The following FOXR1 variants were observed in gnomAD, a reference collection of about 807,000 sequenced individuals.
The protein encoded by FOXR1 is forkhead box protein R1.
Under a neutral mutation model 34.5 loss-of-function variants are expected in FOXR1, and 25 were observed. The observed-to-expected ratio is 0.72, with a 90% CI of 0.53 to 1.01. The LOEUF (loss-of-function observed/expected upper bound fraction) is 1.01. Among genes scored for constraint, FOXR1 ranks in the 50% least tolerant of loss-of-function variants. The pLI, the probability that FOXR1 is intolerant of heterozygous loss-of-function variation, is 0.00. For missense variants in FOXR1, 373 were observed against 376.2 expected (o/e 0.99, Z 0.07); for synonymous variants, 153 against 141.6 (o/e 1.08, Z -0.57).
chr11:118,971,816 C>A lies in FOXR1; in HGVS notation c.-116C>A. ...CCTCAGCCGCCGCGCTCCCACTCCG[C>A]GTCCCCACTCCGCGCCGCCGCGCCT... is the stretch of plus-strand genomic sequence containing the variant. On this transcript the variant is annotated 5_prime_UTR_variant, in exon 1 of 6. Coordinates refer to ENST00000317011, the MANE Select transcript of FOXR1 (RefSeq NM_181721.3). 1 of 1,140,748 alleles carries A rather than the reference C, an allele frequency of 8.8e-7. No individual in the cohort carries two copies. The highest frequency in any genetic ancestry group is 1.3e-6 in the Non-Finnish European group (1 of 783,064). 70.7% of individuals were successfully genotyped at this position (1,140,748 alleles called of 1,614,324 possible). A position where few individuals can be genotyped will look rare whatever the true frequency, so the allele number is the denominator to read the frequency against.
intron 1 of FOXR1, among the ~76,000 whole-genome samples, chr11:118,974,659 A>G (rs951944907): frequency 6.6e-6 from 1 of 152,222 alleles, no homozygotes; most frequent in African/African-American, 2.4e-5. Context: ...CTAGATTTGA[A>G]AAGATCACTC....
intron 1 of FOXR1, among the ~76,000 whole-genome samples, chr11:118,973,524 C>T (rs1412479701): frequency 5.3e-5 from 8 of 151,896 alleles, no homozygotes; most frequent in African/African-American, 4.8e-5. Flanking sequence ...CTCAGCCTCC[C>T]GAGTAGCTGG....
Position 118,971,924 on chromosome 11 carries a change from A to G in FOXR1, c.-8A>G. 1 of 1,556,052 alleles carries G rather than the reference A, an allele frequency of 6.4e-7. No individual in the cohort carries two copies. Reference sequence around the variant, plus strand: ...CATGGCCAGGTCCCGGGACTGCTGGACTGGGACATGGGGAACGAGCTCTTT... The same window carrying G: ...CATGGCCAGGTCCCGGGACTGCTGGGCTGGGACATGGGGAACGAGCTCTTT... On this transcript the variant is annotated 5_prime_UTR_variant, in exon 1 of 6. Transcript: ENST00000317011.
In FOXR1 at chr11:118,978,795, A is replaced by T. The variant is rs1444686776; in HGVS notation, c.75A>T (p.Lys25Asn). 6.2e-7 allele frequency: 1 copy of T among 1,614,004 alleles called. No individual in the cohort carries two copies. The highest frequency in any genetic ancestry group is 1.7e-5 in the Admixed American group (1 of 60,006). Residue 25 changes from lysine to asparagine, a missense_variant, in exon 2 of 6, where the codon AAA (lysine) becomes AAT (asparagine). Lys to Asn is a moderately conservative substitution (Grantham distance 94). Coordinates refer to ENST00000317011, the MANE Select transcript of FOXR1 (RefSeq NM_181721.3). ...TCTTTTTGCCAGTTGCCAGGTATAA[A>T]CTCCGAATTGTTAAGCCACCAAAAT... is the stretch of plus-strand genomic sequence containing the variant. ...PLAEQKLARY[K>N]LRIVKPPKLP...
chr11:118,980,432 G>T, intron 4 of FOXR1, 58 bp from the exon 5 acceptor site: 1 of 1,578,410 alleles, frequency 6.3e-7, no homozygotes, highest in South Asian at 1.1e-5. Context: ...ACATGCCCCA[G>T]AGAAGGGCAT....
At position 118,979,629 on chromosome 11, in the gene FOXR1, C is replaced by T. The variant is rs931667142; in HGVS notation, c.572C>T (p.Pro191Leu). 10 of 1,610,946 alleles carry T rather than the reference C, an allele frequency of 6.2e-6. No homozygotes were observed. In the African/African-American group the frequency reaches 1.3e-4, roughly 22 times the overall value. Residue 191 changes from proline to leucine, a missense_variant, in exon 4 of 6, where the codon CCC (proline) becomes CTC (leucine). By Grantham distance (98) the Pro-to-Leu change is moderately conservative. Transcript: ENST00000317011. ...LIALALRNSSPCGLNVQQIYS... is the reference protein window; with the variant it reads ...LIALALRNSSLCGLNVQQIYS... ...GCCCTGGCATTAAGAAACAGTTCCC[C>T]CTGTGGCCTCAACGTGCAACAGATC...
At position 118,979,084 on chromosome 11, in the gene FOXR1, AC is replaced by A; in HGVS notation, c.268del (p.Gln90ArgfsTer92). 1 of 1,606,970 alleles carries A rather than the reference AC, an allele frequency of 6.2e-7. No individual in the cohort carries two copies. Among genetic ancestry groups the A allele is most frequent in the Admixed American group, 1.7e-5 (1 of 58,390 alleles). ...CAAGCACACTCCCCTCCTCTCAGCC[AC>A]CCCAGAAGGAGGAAGATGCCAGCTG... The part of the protein sequence containing the change: ...LTSTLPSSQP[P>X]QKEEDASCSE... On this transcript the variant is annotated frameshift_variant, in exon 3 of 6. Coordinates refer to ENST00000317011, the MANE Select transcript of FOXR1 (RefSeq NM_181721.3). LOFTEE classifies it high-confidence loss of function.
chr11:118,972,046 G>T, intron 1 of FOXR1, 54 bp downstream of exon 1: 2 of 1,430,938 alleles, frequency 1.4e-6, no homozygotes, highest in South Asian at 2.5e-5. Flanking sequence ...GGGTGGCCTA[G>T]GGGCTCGCGG....
chr11:118,979,574 C>G lies in FOXR1; in HGVS notation c.517C>G (p.Arg173Gly). The change falls in exon 4 of 6, where the codon CGG becomes GGG. Residue 173 changes from arginine (R) to glycine (G), a missense_variant. Arg to Gly is a moderately radical substitution (Grantham distance 125, BLOSUM62 -2). Coordinates refer to ENST00000317011, the MANE Select transcript of FOXR1 (RefSeq NM_181721.3). ...CAGCCAGGCGGGGAGGCTCTGGTCCCGGCCCCCTCTCAATTACTTCCACCT... is the reference window on the plus strand; with the variant it reads ...CAGCCAGGCGGGGAGGCTCTGGTCCGGGCCCCCTCTCAATTACTTCCACCT... ...ASSQAGRLWS[R>G]PPLNYFHLIA... The G allele has an allele frequency of 1.2e-6, 2 of 1,613,044 alleles. No homozygotes were observed. The highest frequency in any genetic ancestry group is 1.7e-6 in the Non-Finnish European group (2 of 1,179,524).
intron 1 of FOXR1, among the ~76,000 whole-genome samples, chr11:118,977,559 A>G (rs1941794781): frequency 6.6e-6 from 1 of 152,096 alleles, no homozygotes; most frequent in South Asian, 2.1e-4. Context: ...CTGTCTCCAA[A>G]AAAACCCCAA....
At chr11:118,974,452 A>G (rs1835454524) in intron 1 of FOXR1, among the ~76,000 whole-genome samples, 1 of 151,972 alleles carries the variant, frequency 6.6e-6, no homozygotes, top group African/African-American at 2.4e-5. Flanking sequence ...CAATCCTCCT[A>G]CCTCCCAAAT....
At chr11:118,973,916 T>G (rs1223633990) in intron 1 of FOXR1, among the ~76,000 whole-genome samples, 1 of 152,066 alleles carries the variant, frequency 6.6e-6, no homozygotes, top group Non-Finnish European at 1.5e-5. Context: ...CAGGCTGGTC[T>G]CAAACTCCTG....
chr11:118,979,407 G>T (rs546411686), intron 3 of FOXR1, 35 bp from the exon 4 acceptor site: 8 of 1,535,830 alleles, frequency 5.2e-6, no homozygotes, highest in Non-Finnish European at 7.0e-6. Context: ...AGAGGCTGAG[G>T]AGTCAGGACC....
At chr11:118,977,119 C>T (rs1941788756) in intron 1 of FOXR1, among the ~76,000 whole-genome samples, 1 of 152,114 alleles carries the variant, frequency 6.6e-6, no homozygotes, top group African/African-American at 2.4e-5. Context: ...CAACTTCTGC[C>T]TCCCAGGTTC....
rs199863064 is a variant in FOXR1 at position 118,980,752 on chromosome 11, G to A, written c.850+24G>A. 132 of 1,596,554 alleles carry A rather than the reference G, an allele frequency of 8.3e-5. 2 individuals are homozygous for A. The East Asian group carries it at 1.6e-3, about 19-fold the overall frequency. On this transcript the variant is annotated intron_variant, in intron 5 of 5. Transcript: ENST00000317011. ...AGGTGTGAAGACTTGTTGTGCGTGGGCCCAAGGGGAAGAGACCTGAGGATC... is the reference window on the plus strand; with the variant it reads ...AGGTGTGAAGACTTGTTGTGCGTGGACCCAAGGGGAAGAGACCTGAGGATC...
In FOXR1 at chr11:118,980,643, G is replaced by C; in HGVS notation, c.765G>C (p.Glu255Asp). ...RPRSCLWKLT[E>D]EGHRRFAEEA... ...GATCTTGCCTCTGGAAGTTGACCGA[G>C]GAGGGACACCGCCGCTTTGCGGAGG... is the stretch of plus-strand genomic sequence containing the variant. The change falls in exon 5 of 6, where the codon GAG becomes GAC. Residue 255 changes from glutamate to aspartate, a missense_variant. Coordinates refer to ENST00000317011, the MANE Select transcript of FOXR1 (RefSeq NM_181721.3). The C allele has an allele frequency of 6.2e-7, 1 of 1,614,160 alleles. No homozygotes were observed. Among genetic ancestry groups the C allele is most frequent in the Non-Finnish European group, 8.5e-7 (1 of 1,180,054 alleles).
chr11:118,974,013 A>G (rs1941748950), intron 1 of FOXR1, among the ~76,000 whole-genome samples: 1 of 152,108 alleles, frequency 6.6e-6, no homozygotes, highest in East Asian at 1.9e-4. Flanking sequence ...TACAGTTTTA[A>G]ATAAGATTGT....
chr11:118,981,125 T>G, intron 5 of FOXR1, 83 bp from the exon 6 acceptor site: 2 of 1,364,450 alleles, frequency 1.5e-6, no homozygotes, highest in Non-Finnish European at 2.1e-6. Flanking sequence ...AAGAAGCAGA[T>G]GACCTGCTAT....
At position 118,971,870 on chromosome 11, in the gene FOXR1, T is replaced by C; in HGVS notation, c.-62T>C. ...CCAGCCCCGAAGGTGGACGTGAAGCTCCAACACCTCGACTTCTGGGCCCGC... is the reference window on the plus strand; with the variant it reads ...CCAGCCCCGAAGGTGGACGTGAAGCCCCAACACCTCGACTTCTGGGCCCGC... On this transcript the variant is annotated 5_prime_UTR_variant, in exon 1 of 6. Transcript: ENST00000317011. The C allele has an allele frequency of 2.0e-6, 3 of 1,528,920 alleles. No homozygotes were observed. The South Asian group carries it at 3.6e-5, about 18-fold the overall frequency. The allele number at this position is 1,528,920 out of a possible 1,614,324, so 94.7% of individuals were successfully genotyped here.
Sources: allele counts gnomAD v4.1 joint callset (sites outside exome capture counted in the v4.1 genomes callset), GRCh38; gene constraint gnomAD v4.1.1; transcripts MANE v1.5; gene names NCBI Gene and HGNC (gene_info 2026-07-23, HGNC 2026-07-21).